DENND1B: variants seen among roughly 807,000 people sequenced by gnomAD.
The protein encoded by DENND1B is DENN domain-containing protein 1B.
In DENND1B, 59 loss-of-function variants were observed where a neutral mutation model predicts 90.1. The observed-to-expected ratio is 0.65, with a 90% CI of 0.53 to 0.81. The LOEUF (loss-of-function observed/expected upper bound fraction) is 0.81. Among genes scored for constraint, DENND1B ranks in the 40% least tolerant of loss-of-function variants. DENND1B has a pLI of 0.00. For missense variants in DENND1B, 862 were observed against 912.6 expected, an observed-to-expected ratio of 0.94 and a Z score of 0.71; for synonymous variants, 337 against 324.6, an observed-to-expected ratio of 1.04 and a Z score of -0.41.
chr1:197,540,384 G>C (rs776266739), intron 19 of DENND1B, among the ~76,000 whole-genome samples: 89 of 151,850 alleles, frequency 5.9e-4, no homozygotes, highest in East Asian at 3.9e-4. Flanking sequence ...CACTACACTG[G>C]AAGATTTAAG....
Position 197,645,745 on chromosome 1 carries a change from T to C in DENND1B, c.508-2A>G. ...ATCAGGGGCAATGAAGTAGGAATGCTAATCAATACAAATAAATCACATATG... is the reference window on the plus strand; with the variant it reads ...ATCAGGGGCAATGAAGTAGGAATGCCAATCAATACAAATAAATCACATATG... On this transcript the variant is annotated splice_acceptor_variant, in intron 8 of 22. Transcript: ENST00000620048. LOFTEE classifies it high-confidence loss of function. 6.4e-7 allele frequency: 1 copy of C among 1,559,964 alleles called. No homozygotes were observed. Among genetic ancestry groups the C allele is most frequent in the Non-Finnish European group, 8.7e-7 (1 of 1,152,294 alleles).
chr1:197,626,567 GA>G (rs1553308581), intron 10 of DENND1B, among the ~76,000 whole-genome samples: 2 of 152,120 alleles, frequency 1.3e-5, no homozygotes, highest in Non-Finnish European at 2.9e-5. Flanking sequence ...GCCCTCAAGA[GA>G]AAGCAGGAAA....
At chr1:197,719,205 T>C (rs1447626181) in intron 2 of DENND1B, among the ~76,000 whole-genome samples, 3 of 151,994 alleles carry the variant, frequency 2.0e-5, no homozygotes, top group Non-Finnish European at 2.9e-5. Context: ...ATACACAAAG[T>C]AGAGGAAAGT....
rs1417275876 is a variant in DENND1B, at chr1:197,599,442, C to T, written c.922-4109G>A. ...TGTTCCAAAATAATATTTAGATAAT[C>T]TACACAACCTAAAACACTCCTAAGA... is the stretch of plus-strand genomic sequence containing the variant. On this transcript the variant is annotated intron_variant, in intron 13 of 22. Transcript: ENST00000620048. Among the ~76,000 whole-genome samples, 5 of 151,910 alleles carry T rather than the reference C, an allele frequency of 3.3e-5. No homozygotes were observed. In the East Asian group the frequency reaches 7.8e-4, roughly 24 times the overall value.
intron 3 of DENND1B, among the ~76,000 whole-genome samples, chr1:197,698,807 C>A (rs7539656): frequency 0.023 from 3,506 of 152,100 alleles, 138 homozygotes; most frequent in African/African-American, 0.08. Flanking sequence ...ACTAGAAAAT[C>A]TAGAAGAAAT....
In DENND1B at chr1:197,748,861, C is replaced by T. The variant is rs141995312; in HGVS notation, c.82+24007G>A. On this transcript the variant is annotated intron_variant, in intron 2 of 22. Coordinates refer to ENST00000620048, the MANE Select transcript of DENND1B (RefSeq NM_001195215.2). ...GTTATGGCAAAACAAGAAATTAAAA[C>T]AAGCTATTAAAACTACATCTAAGTA... 3.1e-3 allele frequency among the ~76,000 whole-genome samples: 475 copies of T among 152,086 alleles called. 2 individuals are homozygous for T. The highest frequency in any genetic ancestry group is 4.8e-3 in the Admixed American group (74 of 15,280).
Position 197,510,920 on chromosome 1 carries a change from G to C in DENND1B, c.1868C>G (p.Ser623Cys). The change falls in exon 23 of 23, where the codon TCT (serine) becomes TGT (cysteine). Residue 623 changes from serine to cysteine, a missense_variant. Coordinates refer to ENST00000620048, the MANE Select transcript of DENND1B (RefSeq NM_001195215.2). Reference sequence around the variant, plus strand: ...AAGATTCCACTCTGCTTGGTCACCAGAACCACCACAGAGGAAAGCCAGGTT... The same window carrying C: ...AAGATTCCACTCTGCTTGGTCACCACAACCACCACAGAGGAAAGCCAGGTT... ...ENNLAFLCGG[S>C]GDQAEWNLGQ... The C allele has an allele frequency of 6.3e-7, 1 of 1,580,832 alleles. No individual in the cohort carries two copies. The highest frequency in any genetic ancestry group is 8.6e-7 in the Non-Finnish European group (1 of 1,166,240).
intron 4 of DENND1B, among the ~76,000 whole-genome samples, chr1:197,673,647 T>C (rs1390333801): frequency 1.3e-5 from 2 of 152,096 alleles, no homozygotes; most frequent in East Asian, 1.9e-4. Context: ...AGTTTCCCTA[T>C]AGCTTTCCAT....
intron 10 of DENND1B, among the ~76,000 whole-genome samples, chr1:197,624,883 G>A (rs912677840): frequency 8.6e-5 from 13 of 151,958 alleles, no homozygotes; most frequent in Non-Finnish European, 1.5e-4. Flanking sequence ...GAAGCCTCAG[G>A]AGCCGATGCG....
At chr1:197,714,961 G>A (rs907085593) in intron 3 of DENND1B, 70 bp downstream of exon 3, 11 of 1,128,816 alleles carry the variant, frequency 9.7e-6, no homozygotes, top group Middle Eastern at 2.0e-4. Flanking sequence ...ACTAGCAACA[G>A]CAGCAGTAAT....
intron 2 of DENND1B, chr1:197,746,671 A>G: frequency 1.4e-6 from 1 of 738,436 alleles, no homozygotes; most frequent in South Asian, 1.5e-5. Flanking sequence ...ATTTTCTGAC[A>G]TATTTAACAC....
intron 11 of DENND1B, among the ~76,000 whole-genome samples, chr1:197,614,801 AAAG>A (rs1677496834): frequency 6.6e-6 from 1 of 151,074 alleles, no homozygotes. Flanking sequence ...CCTTTCATAA[AAAG>A]AAGAGTCATA....
At chr1:197,778,072 G>A (rs1657343724), upstream of DENND1B, among the ~76,000 whole-genome samples, 1 of 152,066 alleles carries the variant, frequency 6.6e-6, no homozygotes, top group Non-Finnish European at 1.5e-5. Flanking sequence ...ACCTTACACA[G>A]TTTGGGGCTG....
At chr1:197,723,291 A>T (rs1056457555) in intron 2 of DENND1B, among the ~76,000 whole-genome samples, 1 of 152,196 alleles carries the variant, frequency 6.6e-6, no homozygotes, top group Admixed American at 6.5e-5. Flanking sequence ...TTAACCAAAC[A>T]GGGCTAATGG....
chr1:197,771,023 T>C (rs1029035743), intron 2 of DENND1B, among the ~76,000 whole-genome samples: 2 of 151,258 alleles, frequency 1.3e-5, no homozygotes, highest in Non-Finnish European at 2.9e-5. Context: ...CTGATTCTCG[T>C]GCCTCAGCCT....
intron 10 of DENND1B, among the ~76,000 whole-genome samples, chr1:197,625,680 T>A (rs1368884157): frequency 6.6e-6 from 1 of 152,062 alleles, no homozygotes; most frequent in African/African-American, 2.4e-5. Context: ...ACTTTAAATG[T>A]AAATGGACTA....
At chr1:197,611,875 T>C in intron 12 of DENND1B, 56 bp downstream of exon 12, 1 of 1,496,850 alleles carries the variant, frequency 6.7e-7, no homozygotes, top group African/African-American at 1.4e-5. Flanking sequence ...AAAACTGTTT[T>C]AACTATTATT....
intron 20 of DENND1B, among the ~76,000 whole-genome samples, chr1:197,519,850 A>G (rs1213278745): frequency 6.6e-6 from 1 of 151,904 alleles, no homozygotes; most frequent in Admixed American, 6.6e-5. Flanking sequence ...ATGTTGGTAC[A>G]TGGGATTTTT....
chr1:197,763,454 T>G (rs1166727682), intron 2 of DENND1B, among the ~76,000 whole-genome samples: 1 of 152,170 alleles, frequency 6.6e-6, no homozygotes, highest in East Asian at 1.9e-4. Context: ...AGTTTAACAA[T>G]CCAACAAATA....
Sources: allele counts gnomAD v4.1 joint callset (sites outside exome capture counted in the v4.1 genomes callset), GRCh38; gene constraint gnomAD v4.1.1; transcripts MANE v1.5; gene names NCBI Gene and HGNC (gene_info 2026-07-23, HGNC 2026-07-21).